CHL1: variants seen among roughly 807,000 people sequenced by gnomAD.
CHL1 encodes neural cell adhesion molecule L1-like protein.
In CHL1, 96 loss-of-function variants were observed where a neutral mutation model predicts 141.9. The ratio of observed to expected loss-of-function variants is 0.68; its 90% confidence interval spans 0.57 to 0.80. The LOEUF (loss-of-function observed/expected upper bound fraction) is 0.80, where lower values mean the gene tolerates loss of function less well. Among genes scored for constraint, CHL1 ranks in the 30% least tolerant of loss-of-function variants. The probability of loss-of-function intolerance (pLI) is 0.00; values close to 1 mark genes in which losing one functional copy is unlikely to be tolerated. For synonymous variants in CHL1, 613 were observed against 502.2 expected (o/e 1.22, Z -2.95); for missense variants, 1,820 against 1,457.2 (o/e 1.25, Z -4.05).
chr3:341,022 A>AT, intron 6 of CHL1, 106 bp downstream of exon 6: 1 of 1,204,696 alleles, frequency 8.3e-7, no homozygotes, highest in Non-Finnish European at 1.2e-6. Flanking sequence ...AGATCTCTTA[A>AT]TTTTTTCATA....
intron 2 of CHL1, among the ~76,000 whole-genome samples, chr3:298,842 A>G (rs1259264810): frequency 6.6e-6 from 1 of 152,216 alleles, no homozygotes; most frequent in Non-Finnish European, 1.5e-5. Flanking sequence ...TTTTTTTACC[A>G]TATAAGATGA....
chr3:250,750 T>C (rs1015557373), intron 2 of CHL1, among the ~76,000 whole-genome samples: 1 of 152,176 alleles, frequency 6.6e-6, no homozygotes. Context: ...TATATTCTCC[T>C]GTCATTATGC....
intron 2 of CHL1, among the ~76,000 whole-genome samples, chr3:273,212 G>A (rs973626652): frequency 6.6e-6 from 1 of 152,108 alleles, no homozygotes; most frequent in African/African-American, 2.4e-5. Context: ...AGTGTTGTTG[G>A]CATCAGTGAG....
chr3:264,090 T>A (rs1327248440), intron 2 of CHL1, among the ~76,000 whole-genome samples: 1 of 152,238 alleles, frequency 6.6e-6, no homozygotes, highest in Non-Finnish European at 1.5e-5. Flanking sequence ...TCTGACTCTG[T>A]CATTTAGACT....
At chr3:300,596 G>A (rs188675762) in intron 2 of CHL1, among the ~76,000 whole-genome samples, 1 of 152,206 alleles carries the variant, frequency 6.6e-6, no homozygotes, top group East Asian at 1.9e-4. Context: ...CCTATTCTGT[G>A]CAAGGCAATA....
At chr3:295,018 GT>G (rs1297617522) in intron 2 of CHL1, among the ~76,000 whole-genome samples, 1 of 152,086 alleles carries the variant, frequency 6.6e-6, no homozygotes, top group Non-Finnish European at 1.5e-5. Flanking sequence ...ATTAAACTTT[GT>G]TTTCTTGCCC....
chr3:224,464 G>A (rs1444419162), intron 1 of CHL1, among the ~76,000 whole-genome samples: 3 of 152,110 alleles, frequency 2.0e-5, no homozygotes, highest in Admixed American at 6.6e-5. Context: ...ATGGCCTGGT[G>A]CTGTCCTCGT....
chr3:399,562 C>A (rs916293612), intron 26 of CHL1, among the ~76,000 whole-genome samples: 12 of 152,116 alleles, frequency 7.9e-5, no homozygotes, highest in Non-Finnish European at 1.3e-4. Context: ...ATCACTTGAA[C>A]CCGGGAGGTG....
chr3:258,875 T>C (rs920456144), intron 2 of CHL1, among the ~76,000 whole-genome samples: 5 of 152,152 alleles, frequency 3.3e-5, no homozygotes, highest in African/African-American at 9.7e-5. Context: ...CCCCTTTTTT[T>C]TTTTATAAAG....
intron 1 of CHL1, among the ~76,000 whole-genome samples, chr3:243,637 C>A (rs1011564956): frequency 2.0e-5 from 3 of 152,114 alleles, no homozygotes; most frequent in African/African-American, 7.2e-5. Flanking sequence ...CTGTTTCTAA[C>A]TACTTGGCAA....
chr3:402,061 G>A (rs561666732), intron 27 of CHL1, among the ~76,000 whole-genome samples: 8 of 152,290 alleles, frequency 5.3e-5, no homozygotes, highest in South Asian at 2.1e-4. Flanking sequence ...TACCTACAGC[G>A]TTGCACCTGC....
intron 9 of CHL1, among the ~76,000 whole-genome samples, chr3:345,725 C>T (rs1295146162): frequency 6.6e-6 from 1 of 152,090 alleles, no homozygotes; most frequent in African/African-American, 2.4e-5. Context: ...CCCTGTGATC[C>T]ACCTGAGTTG....
At chr3:393,187 G>C (rs1172702462) in intron 23 of CHL1, among the ~76,000 whole-genome samples, 6 of 137,596 alleles carry the variant, frequency 4.4e-5, no homozygotes, top group African/African-American at 1.0e-4. Flanking sequence ...GAGCTGAGAT[G>C]GAGCCACTGC....
Position 349,289 on chromosome 3 carries a change from C to T in CHL1, c.849-70C>T, listed in dbSNP as rs113470296. On this transcript the variant is annotated intron_variant, in intron 9 of 27. Coordinates refer to ENST00000256509, the MANE Select transcript of CHL1 (RefSeq NM_006614.4). The stretch of plus-strand genomic sequence containing the variant: ...AAAAGCACCCTGATAAAGGATGTGT[C>T]CTAAGGTTTTCTTTGTATTTTACTT... 4,030 of 1,335,284 alleles carry T rather than the reference C, an allele frequency of 3.0e-3. 77 individuals are homozygous for T. In the African/African-American group the frequency reaches 0.047, roughly 16 times the overall value. 82.7% of individuals were successfully genotyped at this position (1,335,284 alleles called of 1,614,324 possible).
intron 24 of CHL1, among the ~76,000 whole-genome samples, chr3:396,142 G>A (rs1240332435): frequency 6.6e-6 from 1 of 152,024 alleles, no homozygotes; most frequent in Non-Finnish European, 1.5e-5. Context: ...GTATTCCCAG[G>A]GATGAATTGA....
chr3:251,258 A>T (rs1693669321), intron 2 of CHL1, among the ~76,000 whole-genome samples: 1 of 152,102 alleles, frequency 6.6e-6, no homozygotes, highest in Non-Finnish European at 1.5e-5. Flanking sequence ...CTGGGGAGGT[A>T]AAAAATTAGT....
At chr3:320,203 T>A (rs531530626) in intron 3 of CHL1, among the ~76,000 whole-genome samples, 6 of 152,208 alleles carry the variant, frequency 3.9e-5, no homozygotes, top group Non-Finnish European at 8.8e-5. Context: ...GGTTAGTTAA[T>A]CAAGATTCAG....
chr3:336,545 G>A (rs1379513761), intron 5 of CHL1, among the ~76,000 whole-genome samples: 2 of 152,210 alleles, frequency 1.3e-5, no homozygotes, highest in East Asian at 1.9e-4. Flanking sequence ...GGTGTTTGAG[G>A]AGCCTAGAGA....
intron 1 of CHL1, among the ~76,000 whole-genome samples, chr3:212,017 T>C (rs566168359): frequency 1.3e-5 from 2 of 152,194 alleles, no homozygotes; most frequent in Non-Finnish European, 2.9e-5. Context: ...CGATAAAAAG[T>C]TACTTATTCA....
Sources: allele counts gnomAD v4.1 joint callset (sites outside exome capture counted in the v4.1 genomes callset), GRCh38; gene constraint gnomAD v4.1.1; transcripts MANE v1.5; gene names NCBI Gene and HGNC (gene_info 2026-07-23, HGNC 2026-07-21).